Variants in SLC22A9 observed in about 807,000 individuals in gnomAD.
SLC22A9 encodes the protein organic anion transporter 7.
In SLC22A9, 64 loss-of-function variants were observed where a neutral mutation model predicts 50.1. The observed-to-expected ratio is 1.28, with a 90% confidence interval of 1.04 to 1.57. The LOEUF (loss-of-function observed/expected upper bound fraction) is 1.57. SLC22A9 is among the 40% of genes most tolerant of loss of function. The probability of loss-of-function intolerance (pLI) is 0.00; values close to 1 mark genes in which losing one functional copy is unlikely to be tolerated. For missense variants in SLC22A9, 757 were observed against 676.1 expected (o/e 1.12, Z -1.33); for synonymous variants, 261 against 242.5 (o/e 1.08, Z -0.71).
Position 63,410,043 on chromosome 11 carries a change from A to G in SLC22A9, c.*181A>G. ...ATCATGAGGTCAGAAGATAAAGACC[A>G]CCCTGGCCAACATGGTGAAACCCTG... is the stretch of plus-strand genomic sequence containing the variant. On this transcript the variant is annotated 3_prime_UTR_variant, in exon 10 of 10. Transcript: ENST00000279178. The G allele has an allele frequency of 1.9e-6, 1 of 529,820 alleles. No individual in the cohort carries two copies. The highest frequency in any genetic ancestry group is 2.2e-5 in the South Asian group (1 of 45,724). 32.8% of individuals were successfully genotyped at this position (529,820 alleles called of 1,614,324 possible).
chr11:63,396,038 G>T (rs2014849170), intron 6 of SLC22A9, among the ~76,000 whole-genome samples: 1 of 152,230 alleles, frequency 6.6e-6, no homozygotes, highest in South Asian at 2.1e-4. Context: ...CAAAGAGCTG[G>T]TCTCACTCCC....
chr11:63,392,659 C>G (rs1342833822), intron 6 of SLC22A9, among the ~76,000 whole-genome samples: 1 of 151,998 alleles, frequency 6.6e-6, no homozygotes, highest in African/African-American at 2.4e-5. Context: ...TTTTCTTTAT[C>G]ATTGGCTTTT....
chr11:63,400,348 C>T (rs1291610320), intron 6 of SLC22A9, among the ~76,000 whole-genome samples: 1 of 151,914 alleles, frequency 6.6e-6, no homozygotes, highest in Non-Finnish European at 1.5e-5. Context: ...TCACAGAAAT[C>T]CAATGGATCA....
At chr11:63,384,534 T>C (rs972364131) in intron 6 of SLC22A9, among the ~76,000 whole-genome samples, 1 of 152,162 alleles carries the variant, frequency 6.6e-6, no homozygotes, top group Admixed American at 6.5e-5. Flanking sequence ...CTTTATCCAG[T>C]CTATCATTGA....
intron 6 of SLC22A9, among the ~76,000 whole-genome samples, chr11:63,401,578 A>G (rs909307716): frequency 6.6e-6 from 1 of 152,128 alleles, no homozygotes; most frequent in East Asian, 1.9e-4. Flanking sequence ...ATTCAATGCA[A>G]TCTCTATCAA....
At position 63,405,123 on chromosome 11, in the gene SLC22A9, C is replaced by CAAT. The variant is rs753994353; in HGVS notation, c.1074-1353_1074-1351dup. On this transcript the variant is annotated intron_variant, in intron 6 of 9. Transcript: ENST00000279178. ...TCCCCAAAAGCTATTGAAATAATAA[C>CAAT]AATAATAATAATAATAATAATAAAA... Among the ~76,000 whole-genome samples the CAAT allele has an allele frequency of 2.7e-3, 403 of 151,176 alleles. 1 individual carries two copies. The highest frequency in any genetic ancestry group is 0.01 in the Middle Eastern group (3 of 290).
Position 63,369,889 on chromosome 11 carries a change from C to T in SLC22A9, c.-168C>T. ...CTGACCCCAAAACGACTTGAGGAAA[C>T]TGTTTCCACGGTCCTGCTGCAGAGG... On this transcript the variant is annotated 5_prime_UTR_variant, in exon 1 of 10. Transcript: ENST00000279178. 1.6e-6 allele frequency: 1 copy of T among 621,858 alleles called. No homozygotes were observed. The highest frequency in any genetic ancestry group is 2.6e-6 in the Non-Finnish European group (1 of 385,058). The allele number at this position is 621,858 out of a possible 1,614,324, so 38.5% of individuals were successfully genotyped here. A position where few individuals can be genotyped will look rare whatever the true frequency, so the allele number is the denominator to read the frequency against.
At chr11:63,391,223 G>A (rs1247692953) in intron 6 of SLC22A9, among the ~76,000 whole-genome samples, 1 of 151,946 alleles carries the variant, frequency 6.6e-6, no homozygotes, top group Non-Finnish European at 1.5e-5. Context: ...TTTCAGACTT[G>A]TTTTGTGGCT....
chr11:63,386,209 A>AT (rs2014662834), intron 6 of SLC22A9, among the ~76,000 whole-genome samples: 1 of 152,012 alleles, frequency 6.6e-6, no homozygotes, highest in Non-Finnish European at 1.5e-5. Context: ...TTTGTTGAGT[A>AT]TTTTTGCACC....
At chr11:63,398,865 G>C (rs540992064) in intron 6 of SLC22A9, among the ~76,000 whole-genome samples, 28 of 152,242 alleles carry the variant, frequency 1.8e-4, no homozygotes, top group African/African-American at 6.7e-4. Context: ...TGTTTCTGTG[G>C]GAAAGATGAC....
intron 6 of SLC22A9, among the ~76,000 whole-genome samples, chr11:63,390,551 C>T (rs1362521449): frequency 1.3e-5 from 2 of 152,052 alleles, no homozygotes; most frequent in East Asian, 1.9e-4. Flanking sequence ...GCTTTGGTAC[C>T]AGTGCCATGC....
Position 63,370,150 on chromosome 11 carries a change from T to A in SLC22A9, c.94T>A (p.Tyr32Asn). ...VFLSIFAVAT[Y>N]LHFMLENFTA... ...TCTCTCAATCTTTGCTGTTGCTACA[T>A]ACCTTCATTTTATGCTGGAGAACTT... The change falls in exon 1 of 10, where the codon TAC becomes AAC. Residue 32 changes from tyrosine (Y) to asparagine (N), a missense_variant. Coordinates refer to ENST00000279178, the MANE Select transcript of SLC22A9 (RefSeq NM_080866.3). 1 of 1,614,084 alleles carries A rather than the reference T, an allele frequency of 6.2e-7. No homozygotes were observed. Among genetic ancestry groups the A allele is most frequent in the Non-Finnish European group, 8.5e-7 (1 of 1,179,944 alleles).
Position 63,375,773 on chromosome 11 carries a change from G to A in SLC22A9, c.954+5G>A. ...AGAGACACCCTAACCCTGGAGGTGA[G>A]CTGGATGGGAGCTAGATATGGGATG... On this transcript the variant is annotated splice_donor_5th_base_variant and intron_variant, in intron 5 of 9. Coordinates refer to ENST00000279178, the MANE Select transcript of SLC22A9 (RefSeq NM_080866.3). The A allele has an allele frequency of 6.2e-7, 1 of 1,611,058 alleles. No individual in the cohort carries two copies. Among genetic ancestry groups the A allele is most frequent in the Non-Finnish European group, 8.5e-7 (1 of 1,178,110 alleles).
intron 6 of SLC22A9, among the ~76,000 whole-genome samples, chr11:63,400,451 C>G (rs1340546213): frequency 6.6e-6 from 1 of 151,852 alleles, no homozygotes; most frequent in Non-Finnish European, 1.5e-5. Context: ...TTGATTGAAC[C>G]AAGTTGACAC....
intron 6 of SLC22A9, among the ~76,000 whole-genome samples, chr11:63,402,932 A>G (rs578009575): frequency 1.6e-4 from 24 of 152,298 alleles, no homozygotes; most frequent in African/African-American, 5.5e-4. Context: ...AAGTTCACAC[A>G]TATACATGCT....
intron 1 of SLC22A9, 115 bp downstream of exon 1, chr11:63,370,573 C>T: frequency 5.0e-6 from 6 of 1,210,034 alleles, no homozygotes; most frequent in Non-Finnish European, 6.7e-6. Context: ...TTCATTCTTT[C>T]AGCAAATACT....
chr11:63,388,470 C>T (rs2014707044), intron 6 of SLC22A9, among the ~76,000 whole-genome samples: 2 of 151,526 alleles, frequency 1.3e-5, no homozygotes, highest in Non-Finnish European at 2.9e-5. Context: ...TATGATATAT[C>T]ATGCTAACCA....
At chr11:63,381,659 A>C (rs1301109360) in intron 5 of SLC22A9, among the ~76,000 whole-genome samples, 1 of 152,136 alleles carries the variant, frequency 6.6e-6, no homozygotes, top group Non-Finnish European at 1.5e-5. Flanking sequence ...GGGAGAAAGC[A>C]GCCCCTCCTT....
At chr11:63,387,650 C>T (rs1196043079) in intron 6 of SLC22A9, among the ~76,000 whole-genome samples, 1 of 151,952 alleles carries the variant, frequency 6.6e-6, no homozygotes, top group Non-Finnish European at 1.5e-5. Context: ...TTTTTGGTTC[C>T]ACTTAAATGT....
Sources: gnomAD v4.1 joint callset for allele counts (sites outside exome capture counted in the v4.1 genomes callset) on GRCh38, gnomAD v4.1.1 for gene constraint, MANE v1.5 for transcripts, NCBI Gene and HGNC (gene_info 2026-07-23, HGNC 2026-07-21) for gene names.